Variants in ASIP observed in about 807,000 individuals in gnomAD.
ASIP encodes agouti-signaling protein.
In ASIP, 11 loss-of-function variants were observed where a neutral mutation model predicts 10.3. That is an observed-to-expected ratio of 1.07 (90% confidence interval 0.68 to 1.78). The LOEUF (loss-of-function observed/expected upper bound fraction) is 1.78, where lower values mean the gene tolerates loss of function less well. Among genes scored for constraint, ASIP ranks in the 40% most tolerant of loss-of-function variants. The pLI, the probability that ASIP is intolerant of heterozygous loss-of-function variation, is 0.00. For synonymous variants in ASIP, 70 were observed against 70.8 expected, an observed-to-expected ratio of 0.99 and a Z score of 0.06; for missense variants, 180 against 169.2, an observed-to-expected ratio of 1.06 and a Z score of -0.35.
At chr20:34,203,562 T>A (rs572472909) in intron 1 of ASIP, among the ~76,000 whole-genome samples, 1 of 151,888 alleles carries the variant, frequency 6.6e-6, no homozygotes. Flanking sequence ...CACACGTGGC[T>A]AATCTTTGCA....
At chr20:34,215,537 G>C in intron 1 of ASIP, 1 of 1,515,944 alleles carries the variant, frequency 6.6e-7, no homozygotes, top group Middle Eastern at 1.7e-4. Flanking sequence ...GGGCCACTTA[G>C]TGAGATATTC....
At chr20:34,217,614 T>C (rs1213465149) in intron 1 of ASIP, among the ~76,000 whole-genome samples, 1 of 151,912 alleles carries the variant, frequency 6.6e-6, no homozygotes, top group African/African-American at 2.4e-5. Flanking sequence ...CAGGCTGGAG[T>C]GCAGTGGCGC....
At chr20:34,203,795 C>T (rs1435622222) in intron 1 of ASIP, among the ~76,000 whole-genome samples, 2 of 152,134 alleles carry the variant, frequency 1.3e-5, no homozygotes, top group Non-Finnish European at 2.9e-5. Flanking sequence ...ACGATCCTGC[C>T]TCACTGCAAC....
chr20:34,224,086 G>A (rs1415392880), intron 1 of ASIP, among the ~76,000 whole-genome samples: 3 of 135,206 alleles, frequency 2.2e-5, no homozygotes, highest in Non-Finnish European at 3.2e-5. Context: ...CACTGCGGAA[G>A]GCCGCAGGGT....
chr20:34,235,870 G>GA (rs1228272834), intron 1 of ASIP, among the ~76,000 whole-genome samples: 407 of 28,844 alleles, frequency 0.014, 9 homozygotes, highest in South Asian at 0.063. Flanking sequence ...GGAAGGAAAG[G>GA]AAGGAAGGAA....
chr20:34,258,704 ATATATT>A lies in ASIP; in HGVS notation c.-10-1660_-10-1655del, dbSNP rs2035625493. Among the ~76,000 whole-genome samples the A allele has an allele frequency of 3.2e-5, 3 of 95,210 alleles. 1 individual carries two copies. The highest frequency in any genetic ancestry group is 1.2e-4 in the African/African-American group (3 of 25,698). The allele number at this position is 95,210 out of a possible 152,430, so 62.5% of individuals were successfully genotyped here. On this transcript the variant is annotated intron_variant, in intron 1 of 3. Transcript: ENST00000374954. ...ATATATATATATACATACTATATAT[ATATATT>A]ATATATATTATAAAATATATATAGT...
At chr20:34,213,545 C>A (rs1327192182) in intron 1 of ASIP, 2 of 1,532,894 alleles carry the variant, frequency 1.3e-6, no homozygotes, top group Admixed American at 1.9e-5. Flanking sequence ...AGTAGCACTT[C>A]AAAAATTGCA....
chr20:34,215,820 A>T, intron 1 of ASIP: 1 of 1,524,718 alleles, frequency 6.6e-7, no homozygotes, highest in East Asian at 2.3e-5. Context: ...AACTGCTCAA[A>T]ATAGGCCAGG....
At chr20:34,246,402 G>A (rs181894713) in intron 1 of ASIP, 80 of 1,375,574 alleles carry the variant, frequency 5.8e-5, no homozygotes, top group Admixed American at 5.3e-4. Flanking sequence ...GCAACATCAG[G>A]CATATATTCA....
chr20:34,242,798 A>G (rs1348136315), intron 1 of ASIP, among the ~76,000 whole-genome samples: 1 of 152,224 alleles, frequency 6.6e-6, no homozygotes, highest in Non-Finnish European at 1.5e-5. Context: ...AAAGTTGTTG[A>G]GAGCTGTCAC....
intron 2 of ASIP, among the ~76,000 whole-genome samples, 170 bp from the exon 3 acceptor site, chr20:34,262,662 C>T (rs1038888092): frequency 6.6e-6 from 1 of 152,078 alleles, no homozygotes; most frequent in Non-Finnish European, 1.5e-5. Context: ...GGTCAGTAGC[C>T]GGGCTAACAA....
intron 1 of ASIP, among the ~76,000 whole-genome samples, chr20:34,236,122 T>G (rs1481801357): frequency 7.2e-3 from 599 of 83,244 alleles, no homozygotes; most frequent in East Asian, 0.01. Flanking sequence ...AGGAAAGGAG[T>G]GGAAAGGAAA....
intron 1 of ASIP, among the ~76,000 whole-genome samples, chr20:34,223,611 C>CT (rs1568752046): frequency 9.3e-4 from 133 of 143,292 alleles, no homozygotes; most frequent in African/African-American, 3.6e-3. Flanking sequence ...GTCAGCCCCC[C>CT]GCCCGGCCAG....
the ASIP span, among the ~76,000 whole-genome samples, chr20:34,187,277 T>C: frequency 1.3e-5 from 2 of 152,170 alleles, no homozygotes; most frequent in African/African-American, 4.8e-5. Flanking sequence ...TATTTGGTCA[T>C]AGCACTAAAC....
At chr20:34,222,661 TCTCCCC>T (rs1389166860) in intron 1 of ASIP, among the ~76,000 whole-genome samples, 1 of 151,914 alleles carries the variant, frequency 6.6e-6, no homozygotes, top group Non-Finnish European at 1.5e-5. Flanking sequence ...TCCCTCTCCC[TCTCCCC>T]ACGGTCTCCC....
chr20:34,207,552 T>C (rs934999863), intron 1 of ASIP, among the ~76,000 whole-genome samples: 1 of 152,200 alleles, frequency 6.6e-6, no homozygotes, highest in African/African-American at 2.4e-5. Context: ...TTGTCCATTT[T>C]TGCTTTGGTT....
chr20:34,225,997 G>C (rs894559059), intron 1 of ASIP, among the ~76,000 whole-genome samples: 1 of 151,730 alleles, frequency 6.6e-6, no homozygotes. Flanking sequence ...AGGTTCAAGC[G>C]ATTCTCCTGC....
intron 1 of ASIP, among the ~76,000 whole-genome samples, chr20:34,224,832 C>CA (rs756717331): frequency 9.7e-4 from 146 of 150,894 alleles, no homozygotes; most frequent in Non-Finnish European, 1.7e-3. Flanking sequence ...GCTTGGCAAA[C>CA]ATGACCAAGA....
At chr20:34,222,092 A>C (rs1160032944) in intron 1 of ASIP, among the ~76,000 whole-genome samples, 1 of 152,228 alleles carries the variant, frequency 6.6e-6, no homozygotes, top group Non-Finnish European at 1.5e-5. Flanking sequence ...CCTGGGCAAC[A>C]GAGTGAGACC....
Sources: allele counts gnomAD v4.1 joint callset (sites outside exome capture counted in the v4.1 genomes callset), GRCh38; gene constraint gnomAD v4.1.1; transcripts MANE v1.5; gene names NCBI Gene and HGNC (gene_info 2026-07-23, HGNC 2026-07-21).